Variants in SAXO3 observed in about 807,000 individuals in gnomAD.
The protein encoded by SAXO3 is stabilizer of axonemal microtubules 3, also known as CTB-60B18.10.
At chr19:49,019,481 G>C in the SAXO3 span, 6 of 1,226,176 alleles carry the variant, frequency 4.9e-6, no homozygotes, top group Non-Finnish European at 6.1e-6. Flanking sequence ...GTAGTCCCTG[G>C]TCCTTCTGGC....
chr19:49,018,621 A>T, the SAXO3 span, among the ~76,000 whole-genome samples: 1 of 152,036 alleles, frequency 6.6e-6, no homozygotes. Flanking sequence ...CCCTGCCCTC[A>T]GATCCGGAAT....
chr19:49,018,984 G>T, the SAXO3 span: 1 of 1,533,208 alleles, frequency 6.5e-7, no homozygotes, highest in Non-Finnish European at 8.7e-7. Context: ...GGGGTTCTTC[G>T]TCCAGGCAAT....
the SAXO3 span, among the ~76,000 whole-genome samples, chr19:49,018,531 G>T: frequency 3.9e-5 from 6 of 152,120 alleles, no homozygotes; most frequent in African/African-American, 1.2e-4. Flanking sequence ...TGGAAACTGA[G>T]CTTTCGCATC....
At chr19:49,020,403 G>C in the SAXO3 span, 1 of 400,792 alleles carries the variant, frequency 2.5e-6, no homozygotes, top group African/African-American at 2.1e-5. Context: ...GAAGGGTATG[G>C]GTGGGATAAT....
At chr19:49,018,256 C>A in the SAXO3 span, 6 of 952,526 alleles carry the variant, frequency 6.3e-6, no homozygotes, top group Non-Finnish European at 8.2e-6. Context: ...GCGGCCGCTG[C>A]GGGCCGTGGC....
chr19:49,018,115 G>A, the SAXO3 span: 1 of 399,486 alleles, frequency 2.5e-6, no homozygotes, highest in Non-Finnish European at 4.4e-6. Flanking sequence ...GCCGGAGCGG[G>A]TGCAGCAGGG....
chr19:49,018,383 T>G, the SAXO3 span: 1 of 1,155,304 alleles, frequency 8.7e-7, no homozygotes, highest in Non-Finnish European at 1.1e-6. Flanking sequence ...GCTGGATCCT[T>G]GGGGACGAGT....
the SAXO3 span, chr19:49,019,726 C>CT: frequency 8.6e-7 from 1 of 1,167,082 alleles, no homozygotes; most frequent in Non-Finnish European, 1.1e-6. Flanking sequence ...CGGGTCCCCG[C>CT]TGGGAGAGCC....
chr19:49,019,955 G>A, the SAXO3 span: 4 of 1,507,928 alleles, frequency 2.7e-6, no homozygotes, highest in Middle Eastern at 2.0e-4. Context: ...GGGGTCTGCA[G>A]GCTCTGGGGC....
chr19:49,019,214 C>G, the SAXO3 span: 1 of 1,385,768 alleles, frequency 7.2e-7, no homozygotes, highest in Non-Finnish European at 9.3e-7. Context: ...CCAGCCTCAC[C>G]TCCCTAAATC....
the SAXO3 span, chr19:49,019,730 G>A: frequency 1.7e-6 from 2 of 1,163,678 alleles, no homozygotes; most frequent in Non-Finnish European, 1.1e-6. Flanking sequence ...TCCCCGCTGG[G>A]AGAGCCAGTG....
At chr19:49,017,977 C>G in the SAXO3 span, 3 of 398,428 alleles carry the variant, frequency 7.5e-6, no homozygotes, top group African/African-American at 6.2e-5. Flanking sequence ...CTCACACCAG[C>G]GCCGGCTTCA....
chr19:49,019,641 A>G, the SAXO3 span: 2 of 1,247,284 alleles, frequency 1.6e-6, no homozygotes, highest in Non-Finnish European at 2.0e-6. Flanking sequence ...GCTTCCACCC[A>G]GACACCTGGG....
At chr19:49,018,451 C>G in the SAXO3 span, 68 of 652,610 alleles carry the variant, frequency 1.0e-4, no homozygotes, top group African/African-American at 3.8e-4. Flanking sequence ...TCCAGGCGAG[C>G]ACCCCTTAGG....
At chr19:49,018,326 C>G in the SAXO3 span, 1 of 1,218,058 alleles carries the variant, frequency 8.2e-7, no homozygotes, top group Non-Finnish European at 1.0e-6. Flanking sequence ...GCGGGGGTAT[C>G]CGGACAGCTC....
chr19:49,019,736 C>T, the SAXO3 span: 1 of 1,176,230 alleles, frequency 8.5e-7, no homozygotes, highest in Non-Finnish European at 1.1e-6. Flanking sequence ...CTGGGAGAGC[C>T]AGTGTACTGC....
the SAXO3 span, chr19:49,019,299 T>TCG: frequency 0.6 from 741,984 of 1,226,896 alleles, 227,671 homozygotes; most frequent in African/African-American, 0.73. Context: ...GGTTCCGCTC[T>TCG]GTCTTAAACC....
the SAXO3 span, chr19:49,019,612 C>A: frequency 2.4e-6 from 3 of 1,259,402 alleles, no homozygotes; most frequent in East Asian, 9.4e-5. Flanking sequence ...CGGAGCTCCG[C>A]CCCGTCTCGC....
chr19:49,019,348 C>T, the SAXO3 span: 1 of 1,194,700 alleles, frequency 8.4e-7, no homozygotes, highest in Non-Finnish European at 1.1e-6. Flanking sequence ...GCATCTTGGG[C>T]AGCAACTCCA....
Sources: gnomAD v4.1 joint callset for allele counts (sites outside exome capture counted in the v4.1 genomes callset) on GRCh38, gnomAD v4.1.1 for gene constraint, MANE v1.5 for transcripts, NCBI Gene and HGNC (gene_info 2026-07-23, HGNC 2026-07-21) for gene names.